Variants in AIG1 observed in about 807,000 individuals in gnomAD.
The protein encoded by AIG1 is androgen induced 1.
AIG1 carries 23 observed loss-of-function variants against 31.4 expected under a neutral mutation model. That is an observed-to-expected ratio of 0.73 (90% CI 0.53 to 1.04). AIG1 has a LOEUF of 1.04. AIG1 is among the 50% of genes least tolerant of loss of function. The pLI is 0.00. For synonymous variants in AIG1, 100 were observed against 110.5 expected, an observed-to-expected ratio of 0.90 and a Z score of 0.60; for missense variants, 274 against 295.0, an observed-to-expected ratio of 0.93 and a Z score of 0.52.
rs1777831458 is a variant in AIG1 at position 143,340,863 on chromosome 6, A to T, written c.*1187A>T. On this transcript the variant is annotated 3_prime_UTR_variant, in exon 6 of 6. Coordinates refer to ENST00000357847, the MANE Select transcript of AIG1 (RefSeq NM_016108.4). ...AAATTATAAAATGTTACTTAACACA[A>T]ATATAAGTATTGATTGCCCAATGTT... Among the ~76,000 whole-genome samples, 2 of 152,174 alleles carry T rather than the reference A, an allele frequency of 1.3e-5. No homozygotes were observed. Among genetic ancestry groups the T allele is most frequent in the Admixed American group, 6.5e-5 (1 of 15,276 alleles).
intron 3 of AIG1, among the ~76,000 whole-genome samples, chr6:143,184,952 C>T (rs576175444): frequency 6.6e-6 from 1 of 152,212 alleles, no homozygotes; most frequent in East Asian, 1.9e-4. Context: ...AGTCCCAGTA[C>T]TTTGGGAGGC....
chr6:143,190,185 C>T (rs913118138), intron 3 of AIG1: 6 of 985,062 alleles, frequency 6.1e-6, no homozygotes, highest in Non-Finnish European at 6.0e-6. Flanking sequence ...CAGCCCATAG[C>T]AGGATGAGAA....
intron 3 of AIG1, among the ~76,000 whole-genome samples, chr6:143,172,432 G>T (rs1787727688): frequency 6.6e-6 from 1 of 152,112 alleles, no homozygotes; most frequent in Admixed American, 6.5e-5. Flanking sequence ...GATCATGGTG[G>T]ATTATCTTTT....
chr6:143,095,082 G>T (rs921963443), intron 1 of AIG1, among the ~76,000 whole-genome samples: 9 of 152,054 alleles, frequency 5.9e-5, no homozygotes, highest in Non-Finnish European at 2.9e-5. Flanking sequence ...ATCCACAATG[G>T]GGGCAGTAAA....
rs1798697451 is a variant in AIG1 at position 143,299,737 on chromosome 6, A to T, written c.515+15512A>T. On this transcript the variant is annotated intron_variant, in intron 4 of 5. Coordinates refer to ENST00000357847, the MANE Select transcript of AIG1 (RefSeq NM_016108.4). This position sits in a 1 kb window ranked among gnomAD's most constrained non-coding sequence, Gnocchi z 4.1. ...GCTCTGCCTCTTCTCAGAACGCCAC[A>T]CATCAGCTCTGCTAAACTGCTTGTA... Among the ~76,000 whole-genome samples the T allele has an allele frequency of 3.9e-5, 6 of 152,172 alleles. No individual in the cohort carries two copies. Among genetic ancestry groups the T allele is most frequent in the Admixed American group, 3.9e-4 (6 of 15,284 alleles).
Position 143,284,209 on chromosome 6 carries a change from G to A in AIG1, c.499G>A (p.Val167Ile). Residue 167 changes from valine to isoleucine, a missense_variant, in exon 4 of 6, where the codon GTT becomes ATT. Physicochemically the swap from Val to Ile is conservative, Grantham distance 29. Coordinates refer to ENST00000357847, the MANE Select transcript of AIG1 (RefSeq NM_016108.4). This position sits in a 1 kb window ranked among gnomAD's most constrained non-coding sequence, Gnocchi z 4.4. ...SGLTAICTFSVGYILWVCWVH... is the reference protein window; with the variant it reads ...SGLTAICTFSIGYILWVCWVH... ...ACTTACCGCCATATGTACCTTCTCT[G>A]TTGGCTATATATTATGGTAAGGACC... 1 of 1,611,992 alleles carries A rather than the reference G, an allele frequency of 6.2e-7. No individual in the cohort carries two copies.
chr6:143,261,641 T>A (rs189539968), intron 3 of AIG1, among the ~76,000 whole-genome samples: 97 of 152,340 alleles, frequency 6.4e-4, no homozygotes, highest in African/African-American at 2.2e-3. Flanking sequence ...CAATTTTTTT[T>A]AATGTTTGAG....
intron 4 of AIG1, among the ~76,000 whole-genome samples, chr6:143,303,657 C>T (rs1799010126): frequency 1.3e-5 from 2 of 151,070 alleles, no homozygotes; most frequent in African/African-American, 4.9e-5. Flanking sequence ...AGTCAGGTAG[C>T]ATGATGCCTC....
At position 143,165,148 on chromosome 6, in the gene AIG1, G is replaced by A; in HGVS notation, c.364G>A (p.Asp122Asn). ...DREMIYPKLL[D>N]NFIPGWLNHG... The stretch of plus-strand genomic sequence containing the variant: ...AGAGATGATATACCCGAAGCTGCTG[G>A]ATAATTTTATCCCAGGGTGGCTGAA... Residue 122 changes from aspartate to asparagine, a missense_variant, in exon 3 of 6, where the codon GAT (aspartate) becomes AAT (asparagine). Physicochemically the swap from Asp to Asn is conservative, Grantham distance 23. Coordinates refer to ENST00000357847, the MANE Select transcript of AIG1 (RefSeq NM_016108.4). 6.2e-7 allele frequency: 1 copy of A among 1,613,600 alleles called. No individual in the cohort carries two copies. Among genetic ancestry groups the A allele is most frequent in the Non-Finnish European group, 8.5e-7 (1 of 1,179,624 alleles).
rs554022699 is a variant in AIG1, at chr6:143,287,061, C to G, written c.515+2836C>G. On this transcript the variant is annotated intron_variant, in intron 4 of 5. Coordinates refer to ENST00000357847, the MANE Select transcript of AIG1 (RefSeq NM_016108.4). ...CTGCCATGTTTCTCTTTCCCCCAGC[C>G]CAAACATCACCTGTCCATTTGTGGG... Among the ~76,000 whole-genome samples the G allele has an allele frequency of 7.8e-4, 118 of 151,970 alleles. 1 individual carries two copies. The highest frequency in any genetic ancestry group is 2.8e-3 in the African/African-American group (117 of 41,416).
rs1783809994 is a variant in AIG1 at position 143,136,927 on chromosome 6, G to A, written c.234G>A (p.Gln78=). Residue 78 remains glutamine (Q), a synonymous_variant, in exon 2 of 6, where the codon CAG becomes CAA. Coordinates refer to ENST00000357847, the MANE Select transcript of AIG1 (RefSeq NM_016108.4). ...GTGGGAACCAGGAGCAAGAGAGGCA[G>A]CTCAAGAAGCTCATCTCTCTCCGGG... ...RGSGNQEQER[Q]LKKLISLRDW... 1 of 1,531,602 alleles carries A rather than the reference G, an allele frequency of 6.5e-7. No individual in the cohort carries two copies. The allele number at this position is 1,531,602 out of a possible 1,614,324, so 94.9% of individuals were successfully genotyped here.
intron 3 of AIG1, among the ~76,000 whole-genome samples, chr6:143,249,662 A>G (rs1368883209): frequency 6.6e-6 from 1 of 152,140 alleles, no homozygotes; most frequent in Non-Finnish European, 1.5e-5. Flanking sequence ...ACTGTTACAG[A>G]CGACCCCTCT....
intron 5 of AIG1, 60 bp from the exon 6 acceptor site, chr6:143,339,579 A>C: frequency 6.3e-7 from 1 of 1,575,992 alleles, no homozygotes; most frequent in Non-Finnish European, 8.7e-7. Context: ...AAGCCAGATT[A>C]AACAAACTGC....
intron 4 of AIG1, among the ~76,000 whole-genome samples, chr6:143,303,383 A>G (rs1443943826): frequency 6.6e-6 from 1 of 152,112 alleles, no homozygotes; most frequent in Non-Finnish European, 1.5e-5. Context: ...TCTTTAATCT[A>G]TCTTGAATTA....
rs371006314 is a variant in AIG1, at chr6:143,084,535, G to A, written c.141+23469G>A. Among the ~76,000 whole-genome samples, 187 of 152,240 alleles carry A rather than the reference G, an allele frequency of 1.2e-3. 1 individual carries two copies. Among genetic ancestry groups the A allele is most frequent in the Admixed American group, 4.2e-3 (65 of 15,296 alleles). The stretch of plus-strand genomic sequence containing the variant: ...CTCCTGATCTCTATTATAAAAAACC[G>A]AGGTTGCCAAGTTCAGTAGCATTTC... On this transcript the variant is annotated intron_variant, in intron 1 of 5. Coordinates refer to ENST00000357847, the MANE Select transcript of AIG1 (RefSeq NM_016108.4).
At chr6:143,073,366 A>G (rs367917252) in intron 1 of AIG1, among the ~76,000 whole-genome samples, 12 of 152,122 alleles carry the variant, frequency 7.9e-5, no homozygotes, top group African/African-American at 2.9e-4. Context: ...TGGTGATTTC[A>G]TTTCCTTTGG....
chr6:143,152,946 AGATAGAGAT>A (rs1785372639), intron 2 of AIG1, among the ~76,000 whole-genome samples: 1 of 152,236 alleles, frequency 6.6e-6, no homozygotes, highest in South Asian at 2.1e-4. Flanking sequence ...AAAACTGGCC[AGATAGAGAT>A]GCTGAGGCTG....
At chr6:143,249,568 A>G (rs995049389) in intron 3 of AIG1, among the ~76,000 whole-genome samples, 2 of 152,164 alleles carry the variant, frequency 1.3e-5, no homozygotes, top group African/African-American at 4.8e-5. Flanking sequence ...ATAGCCTCCC[A>G]AGTTCAACAC....
rs992228555 is a variant in AIG1 at position 143,331,524 on chromosome 6, T to C, written c.516-1758T>C. The stretch of plus-strand genomic sequence containing the variant: ...TTCAAGGTCCATCCATGTTGTAGCA[T>C]GTATCAACATTTTACTCCTCTTTAT... On this transcript the variant is annotated intron_variant, in intron 4 of 5. Coordinates refer to ENST00000357847, the MANE Select transcript of AIG1 (RefSeq NM_016108.4). The surrounding 1 kb of genome is among the most constrained non-coding windows in gnomAD (Gnocchi z 4.1). Among the ~76,000 whole-genome samples the C allele has an allele frequency of 2.0e-5, 3 of 152,214 alleles. No individual in the cohort carries two copies. The highest frequency in any genetic ancestry group is 2.9e-5 in the Non-Finnish European group (2 of 68,048).
Sources: allele counts gnomAD v4.1 joint callset (sites outside exome capture counted in the v4.1 genomes callset), GRCh38; gene constraint gnomAD v4.1.1; non-coding constraint Gnocchi (gnomAD v3.1); transcripts MANE v1.5; gene names NCBI Gene and HGNC (gene_info 2026-07-23, HGNC 2026-07-21).